The following PRKG1 variants were observed in gnomAD, a reference collection of about 807,000 sequenced individuals.
The protein encoded by PRKG1 is protein kinase cGMP-dependent 1, also known as cGMP-dependent protein kinase 1.
Under a neutral mutation model 88.1 loss-of-function variants are expected in PRKG1, and 35 were observed. The ratio of observed to expected loss-of-function variants is 0.40; its 90% confidence interval spans 0.30 to 0.53. PRKG1 has a LOEUF of 0.53. Ranked by LOEUF, PRKG1 falls within the 20% of genes least tolerant of loss-of-function variation. PRKG1 has a pLI of 0.59. For missense variants in PRKG1, 540 were observed against 839.8 expected, an observed-to-expected ratio of 0.64 and a Z score of 4.41; for synonymous variants, 303 against 292.5, an observed-to-expected ratio of 1.04 and a Z score of -0.37.
chr10:51,126,060 A>C (rs1163307185), intron 1 of PRKG1, among the ~76,000 whole-genome samples: 1 of 122,860 alleles, frequency 8.1e-6, no homozygotes, highest in East Asian at 2.4e-4. Flanking sequence ...ATAATTATAT[A>C]TAATATACTA....
At chr10:52,185,954 C>A (rs184009186) in intron 9 of PRKG1, among the ~76,000 whole-genome samples, 2 of 152,168 alleles carry the variant, frequency 1.3e-5, no homozygotes, top group Non-Finnish European at 2.9e-5. Context: ...AGTCCTCCTA[C>A]GCCTTTGGGC....
At chr10:51,349,967 T>G (rs2132562619) in intron 2 of PRKG1, among the ~76,000 whole-genome samples, 1 of 152,266 alleles carries the variant, frequency 6.6e-6, no homozygotes. Context: ...CAAGATGCAC[T>G]CAGACAAATT....
chr10:51,674,201 G>A (rs2132354421), intron 3 of PRKG1, among the ~76,000 whole-genome samples: 1 of 152,116 alleles, frequency 6.6e-6, no homozygotes, highest in Non-Finnish European at 1.5e-5. Flanking sequence ...TTAAGTTCTG[G>A]GGTACATGTG....
chr10:51,968,405 G>T (rs1183928985), intron 5 of PRKG1, among the ~76,000 whole-genome samples: 1 of 152,096 alleles, frequency 6.6e-6, no homozygotes, highest in Non-Finnish European at 1.5e-5. Context: ...AGGAATGGGG[G>T]AGAAGAAGAG....
chr10:51,615,222 G>A (rs559756000), intron 3 of PRKG1, among the ~76,000 whole-genome samples: 2 of 151,984 alleles, frequency 1.3e-5, no homozygotes, highest in Admixed American at 6.5e-5. Context: ...GTTTTTTAAG[G>A]CATTGATGCT....
intron 1 of PRKG1, among the ~76,000 whole-genome samples, chr10:50,993,062 G>A (rs1330361035): frequency 6.6e-6 from 1 of 152,102 alleles, no homozygotes; most frequent in Non-Finnish European, 1.5e-5. Flanking sequence ...GCTCCAGGGC[G>A]CTTAGTGTCT....
At chr10:51,816,271 C>G (rs1937720) in intron 4 of PRKG1, among the ~76,000 whole-genome samples, 1 of 151,820 alleles carries the variant, frequency 6.6e-6, no homozygotes, top group Non-Finnish European at 1.5e-5. Context: ...TGCTGGCCTC[C>G]CCCTGAGCCT....
Position 51,123,705 on chromosome 10 carries a change from A to C in PRKG1, c.312-29459A>C, listed in dbSNP as rs974770628. Among the ~76,000 whole-genome samples, 108 of 151,942 alleles carry C rather than the reference A, an allele frequency of 7.1e-4. 1 individual carries two copies. The highest frequency in any genetic ancestry group is 1.2e-3 in the Non-Finnish European group (82 of 67,966). On this transcript the variant is annotated intron_variant, in intron 1 of 17. Transcript: ENST00000373980. ...GAGACTCCATCTCAAAAAAAAAAAA[A>C]AAATTACTGGAGGCTCTGAGACTGG...
At chr10:52,123,941 A>G (rs1847877009) in intron 7 of PRKG1, among the ~76,000 whole-genome samples, 1 of 152,108 alleles carries the variant, frequency 6.6e-6, no homozygotes, top group Non-Finnish European at 1.5e-5. Flanking sequence ...CTTTTACTCA[A>G]TCTCTGAATT....
At chr10:51,241,330 C>T (rs572464920) in intron 2 of PRKG1, among the ~76,000 whole-genome samples, 1 of 152,068 alleles carries the variant, frequency 6.6e-6, no homozygotes, top group African/African-American at 2.4e-5. Flanking sequence ...GCCAAAGAAC[C>T]TCCTTTAGCT....
chr10:51,283,572 T>C (rs976626714), intron 2 of PRKG1, among the ~76,000 whole-genome samples: 15 of 152,160 alleles, frequency 9.9e-5, no homozygotes, highest in African/African-American at 3.6e-4. Context: ...TAAAGATTGC[T>C]AGTTTGAGAC....
chr10:51,501,790 C>CTTTTTTTTTTTTTTTTTTTTTTT (rs5784871), intron 3 of PRKG1, among the ~76,000 whole-genome samples: 1 of 113,768 alleles, frequency 8.8e-6, no homozygotes, highest in African/African-American at 3.4e-5. Context: ...ACTTTAGTTT[C>CTTTTTTTTTTTTTTTTTTTTTTT]TTTTTTTTTT....
intron 5 of PRKG1, among the ~76,000 whole-genome samples, chr10:51,956,047 A>ACTGATC (rs1450259620): frequency 2.6e-5 from 4 of 152,090 alleles, no homozygotes; most frequent in South Asian, 2.1e-4. Context: ...TTTTGATGAA[A>ACTGATC]CTGATCTCTA....
Position 52,067,969 on chromosome 10 carries a change from C to T in PRKG1, c.935+5338C>T, listed in dbSNP as rs1307789619. ...CCTGTAATCCCAGCACTTTGGGAGG[C>T]CGAGACGGGCGGATCACGAGGTCAG... On this transcript the variant is annotated intron_variant, in intron 7 of 17. Coordinates refer to ENST00000373980, the MANE Select transcript of PRKG1 (RefSeq NM_006258.4). Among the ~76,000 whole-genome samples, 3 of 143,966 alleles carry T rather than the reference C, an allele frequency of 2.1e-5. 1 individual carries two copies. Among genetic ancestry groups the T allele is most frequent in the Non-Finnish European group, 3.1e-5 (2 of 63,848 alleles). 94.4% of individuals were successfully genotyped at this position (143,966 alleles called of 152,430 possible).
intron 1 of PRKG1, among the ~76,000 whole-genome samples, chr10:51,008,276 T>A (rs1842960087): frequency 6.6e-6 from 1 of 152,170 alleles, no homozygotes; most frequent in Non-Finnish European, 1.5e-5. Flanking sequence ...TATAACTCCT[T>A]GAGAAGTAGC....
chr10:51,171,027 G>T (rs9415760), intron 2 of PRKG1, among the ~76,000 whole-genome samples: 3 of 151,992 alleles, frequency 2.0e-5, no homozygotes, highest in Admixed American at 2.0e-4. Context: ...ATGATGACTC[G>T]GACTAAGGTC....
intron 2 of PRKG1, among the ~76,000 whole-genome samples, chr10:51,270,852 T>C (rs1052545060): frequency 5.9e-5 from 9 of 152,054 alleles, no homozygotes; most frequent in Middle Eastern, 3.2e-3. Context: ...GAATCTAGAC[T>C]AGGAAGTTAC....
Position 51,697,654 on chromosome 10 carries a change from A to G in PRKG1, c.593-106931A>G, listed in dbSNP as rs375932725. 5.7e-6 allele frequency: 9 copies of G among 1,592,876 alleles called. No individual in the cohort carries two copies. In the East Asian group the frequency reaches 8.9e-5, roughly 16 times the overall value. The stretch of plus-strand genomic sequence containing the variant: ...GCTTTTTGCACCCATTCTCCATGCT[A>G]CAGAATAAAATTTGAGACTACAGCC... On this transcript the variant is annotated intron_variant, in intron 3 of 17. Transcript: ENST00000373980.
chr10:51,069,022 T>C (rs1400454768), intron 1 of PRKG1, among the ~76,000 whole-genome samples: 1 of 151,966 alleles, frequency 6.6e-6, no homozygotes, highest in Non-Finnish European at 1.5e-5. Flanking sequence ...CAAATAAATA[T>C]TCATTTTGTT....
Sources: allele counts gnomAD v4.1 joint callset (sites outside exome capture counted in the v4.1 genomes callset), GRCh38; gene constraint gnomAD v4.1.1; transcripts MANE v1.5; gene names NCBI Gene and HGNC (gene_info 2026-07-23, HGNC 2026-07-21).